The following ZFAND2A variants were observed in gnomAD, a reference collection of about 807,000 sequenced individuals.
ZFAND2A encodes the protein zinc finger AN1-type containing 2A.
In ZFAND2A, 20 loss-of-function variants were observed where a neutral mutation model predicts 11.6. The observed-to-expected ratio is 1.72, with a 90% CI of 1.21 to 2.50. ZFAND2A has a LOEUF of 2.50. ZFAND2A is among the 30% of genes most tolerant of loss of function. The pLI, the probability that ZFAND2A is intolerant of heterozygous loss-of-function variation, is 0.00. For synonymous variants in ZFAND2A, 93 were observed against 60.6 expected (o/e 1.54, Z -2.48); for missense variants, 234 against 182.9 (o/e 1.28, Z -1.61).
rs1020984636 is a variant in ZFAND2A, at chr7:1,157,543, T to G, written c.150+113A>C. ...CTAGTGGGACTGAAAAACTGGATTT[T>G]AAAATTTAATTTTCAATGAGTTAGC... On this transcript the variant is annotated intron_variant, in intron 3 of 4. Coordinates refer to ENST00000316495, the MANE Select transcript of ZFAND2A (RefSeq NM_182491.4). The G allele has an allele frequency of 2.1e-5, 24 of 1,136,562 alleles. No individual in the cohort carries two copies. In the Admixed American group the frequency reaches 6.3e-4, roughly 30 times the overall value. 70.4% of individuals were successfully genotyped at this position (1,136,562 alleles called of 1,614,324 possible).
chr7:1,155,193 T>C lies in ZFAND2A; in HGVS notation c.282+260A>G, dbSNP rs113302959. Among the ~76,000 whole-genome samples, 241 of 152,222 alleles carry C rather than the reference T, an allele frequency of 1.6e-3. 2 individuals carry two copies. The highest frequency in any genetic ancestry group is 5.5e-3 in the African/African-American group (228 of 41,528). The stretch of plus-strand genomic sequence containing the variant: ...GAATGGATCTAGAAAGCCATGTGAA[T>C]TCTCCATCTCAGGAGGGAAACTAGT... On this transcript the variant is annotated intron_variant, in intron 4 of 4. Transcript: ENST00000316495.
At chr7:1,155,648 A>G (rs1031685099) in intron 3 of ZFAND2A, 64 bp from the exon 4 acceptor site, 5 of 1,583,840 alleles carry the variant, frequency 3.2e-6, no homozygotes, top group African/African-American at 1.4e-5. Context: ...AGAAGTTTTA[A>G]ACGAGTACTC....
chr7:1,158,360 T>C (rs1203371756), intron 1 of ZFAND2A, 103 bp from the exon 2 acceptor site: 1 of 692,390 alleles, frequency 1.4e-6, no homozygotes, highest in East Asian at 2.6e-5. Context: ...ACGCACTGTG[T>C]GGGGAGCATT....
downstream of ZFAND2A, among the ~76,000 whole-genome samples, chr7:1,151,122 A>C (rs1793389695): frequency 6.6e-6 from 1 of 152,092 alleles, no homozygotes; most frequent in Admixed American, 6.6e-5. Flanking sequence ...TCCTGACCTC[A>C]GGTGATCCGC....
chr7:1,156,601 C>T (rs545715985), intron 3 of ZFAND2A, among the ~76,000 whole-genome samples: 122 of 151,526 alleles, frequency 8.1e-4, no homozygotes, highest in Non-Finnish European at 1.1e-3. Flanking sequence ...AGGGGTGGAC[C>T]GCCCAGCAGC....
At chr7:1,156,130 ACCT>A in intron 3 of ZFAND2A, among the ~76,000 whole-genome samples, 2 of 117,916 alleles carry the variant, frequency 1.7e-5, no homozygotes, top group Non-Finnish European at 3.3e-5. Context: ...AAGGCTAAAA[ACCT>A]GAGCTGGGGG....
At chr7:1,153,249 A>G (rs1323107975) in intron 4 of ZFAND2A, 25 bp from the exon 5 acceptor site, 1 of 1,603,664 alleles carries the variant, frequency 6.2e-7, no homozygotes, top group East Asian at 2.2e-5. Flanking sequence ...TGACTTCAAC[A>G]AGCAATTCTT....
chr7:1,155,519 T>G lies in ZFAND2A; in HGVS notation c.216A>C (p.Pro72=). 1 of 1,613,974 alleles carries G rather than the reference T, an allele frequency of 6.2e-7. No individual in the cohort carries two copies. The highest frequency in any genetic ancestry group is 1.1e-5 in the South Asian group (1 of 91,068). The change falls in exon 4 of 5, where the codon CCA becomes CCC. Residue 72 remains proline, a synonymous_variant. Transcript: ENST00000316495. ...TPIPVKKGQI[P]DVVVGDHIDR... ...CAATGTGATCACCAACCACCACGTC[T>G]GGTATCTGGCCCTTTTTTACTGGGA...
chr7:1,158,216 G>A lies in ZFAND2A; in HGVS notation c.-4C>T. The stretch of plus-strand genomic sequence containing the variant: ...TCCCCAAATCAGGAAACTCCATTAT[G>A]AGAACAGTGCTCAAAACGCAGATGG... On this transcript the variant is annotated 5_prime_UTR_variant, in exon 2 of 5. Coordinates refer to ENST00000316495, the MANE Select transcript of ZFAND2A (RefSeq NM_182491.4). 6 of 1,614,080 alleles carry A rather than the reference G, an allele frequency of 3.7e-6. No homozygotes were observed. The highest frequency in any genetic ancestry group is 3.3e-4 in the Middle Eastern group (2 of 6,062).
At chr7:1,155,712 T>C in intron 3 of ZFAND2A, 128 bp from the exon 4 acceptor site, 1 of 1,239,528 alleles carries the variant, frequency 8.1e-7, no homozygotes, top group South Asian at 1.5e-5. Context: ...TCCCGAGCCC[T>C]CCGAGAACAA....
At position 1,157,850 on chromosome 7, in the gene ZFAND2A, T is replaced by C. The variant is rs1230576216; in HGVS notation, c.56-100A>G. Reference sequence around the variant, plus strand: ...ACCTACACTAAGTGTTTTAGGCCTATGAGATGGACAGGTCCTCGAGGGCCA... The same window carrying C: ...ACCTACACTAAGTGTTTTAGGCCTACGAGATGGACAGGTCCTCGAGGGCCA... On this transcript the variant is annotated intron_variant, in intron 2 of 4. Transcript: ENST00000316495. The C allele has an allele frequency of 5.1e-6, 5 of 971,290 alleles. No individual in the cohort carries two copies. In the Admixed American group the frequency reaches 7.9e-5, roughly 15 times the overall value. The allele number at this position is 971,290 out of a possible 1,614,324, so 60.2% of individuals were successfully genotyped here.
chr7:1,157,618 G>T (rs118068178), intron 3 of ZFAND2A, 38 bp downstream of exon 3: 2 of 1,547,942 alleles, frequency 1.3e-6, no homozygotes, highest in South Asian at 2.4e-5. Context: ...AGCTTCAGAC[G>T]GTGAAGATGA....
chr7:1,153,885 G>T (rs889063554), intron 4 of ZFAND2A, among the ~76,000 whole-genome samples: 1 of 152,132 alleles, frequency 6.6e-6, no homozygotes, highest in Non-Finnish European at 1.5e-5. Context: ...AGGCGGCAGT[G>T]AGCTGAGATT....
At chr7:1,155,373 T>G in intron 4 of ZFAND2A, 80 bp downstream of exon 4, 1 of 1,564,166 alleles carries the variant, frequency 6.4e-7, no homozygotes, top group Non-Finnish European at 8.7e-7. Context: ...TTGGGAGTAA[T>G]TTTCAGGTAG....
Position 1,157,468 on chromosome 7 carries a change from G to A in ZFAND2A, c.150+188C>T, listed in dbSNP as rs534391806. The A allele has an allele frequency of 3.7e-4, 183 of 498,784 alleles. 1 individual carries two copies. The highest frequency in any genetic ancestry group is 3.4e-3 in the African/African-American group (169 of 49,756). 30.9% of individuals were successfully genotyped at this position (498,784 alleles called of 1,614,324 possible). On this transcript the variant is annotated intron_variant, in intron 3 of 4. Transcript: ENST00000316495. ...AGTCATCCAACAGAATGTCCTGTGA[G>A]GGCAGACACGCTCCTCTGTACTGCC...
downstream of ZFAND2A, among the ~76,000 whole-genome samples, chr7:1,151,763 A>AAAAG (rs1563158621): frequency 4.0e-5 from 3 of 75,438 alleles, no homozygotes; most frequent in South Asian, 3.4e-4. Flanking sequence ...CATCCCTTTT[A>AAAAG]AAAAAAAAAA....
intron 3 of ZFAND2A, among the ~76,000 whole-genome samples, chr7:1,156,780 A>C (rs538432452): frequency 1.3e-5 from 2 of 152,240 alleles, no homozygotes; most frequent in Non-Finnish European, 2.9e-5. Context: ...GTGCTTCCTC[A>C]TTTGGTCAAA....
intron 1 of ZFAND2A, among the ~76,000 whole-genome samples, chr7:1,159,275 T>C (rs977502696): frequency 6.6e-6 from 1 of 152,192 alleles, no homozygotes; most frequent in African/African-American, 2.4e-5. Flanking sequence ...AATCCCCAAA[T>C]GATTTTGTTC....
Position 1,155,720 on chromosome 7 carries a change from C to T in ZFAND2A, c.151-136G>A, listed in dbSNP as rs553227413. On this transcript the variant is annotated intron_variant, in intron 3 of 4. Coordinates refer to ENST00000316495, the MANE Select transcript of ZFAND2A (RefSeq NM_182491.4). ...ACCGGTCTCCCGAGCCCTCCGAGAA[C>T]AAAGCATCACTGGGTCATGGATTAG... 160 of 1,103,346 alleles carry T rather than the reference C, an allele frequency of 1.5e-4. No individual in the cohort carries two copies. The African/African-American group carries it at 2.3e-3, about 16-fold the overall frequency. 68.3% of individuals were successfully genotyped at this position (1,103,346 alleles called of 1,614,324 possible).
Sources: gnomAD v4.1 joint callset for allele counts (sites outside exome capture counted in the v4.1 genomes callset) on GRCh38, gnomAD v4.1.1 for gene constraint, MANE v1.5 for transcripts, NCBI Gene and HGNC (gene_info 2026-07-23, HGNC 2026-07-21) for gene names.